Variants in AMZ1 observed in about 807,000 individuals in gnomAD.
AMZ1 encodes archaelysin family metallopeptidase 1.
In AMZ1, 39 loss-of-function variants were observed where a neutral mutation model predicts 29.9. That is an observed-to-expected ratio of 1.30 (90% CI 1.01 to 1.70). AMZ1 has a LOEUF of 1.70. AMZ1 is among the 40% of genes most tolerant of loss of function. The pLI, the probability that AMZ1 is intolerant of heterozygous loss-of-function variation, is 0.00. For synonymous variants in AMZ1, 458 were observed against 304.0 expected, an observed-to-expected ratio of 1.51 and a Z score of -5.27; for missense variants, 1,041 against 680.6, an observed-to-expected ratio of 1.53 and a Z score of -5.89.
chr7:2,692,383 C>CA (rs1177128072), intron 1 of AMZ1, among the ~76,000 whole-genome samples: 95 of 150,994 alleles, frequency 6.3e-4, no homozygotes, highest in East Asian at 4.3e-3. Context: ...ACTAAAAATA[C>CA]AAAAAAAAAT....
At chr7:2,711,755 G>T (rs1019430825) in intron 6 of AMZ1, among the ~76,000 whole-genome samples, 2 of 152,060 alleles carry the variant, frequency 1.3e-5, no homozygotes, top group African/African-American at 4.8e-5. Flanking sequence ...TTAATTATAC[G>T]CTTTCTGGGT....
intron 4 of AMZ1, among the ~76,000 whole-genome samples, chr7:2,742,324 G>C (rs11770070): frequency 0.17 from 25,186 of 152,100 alleles, 2,165 homozygotes; most frequent in Non-Finnish European, 0.2. Flanking sequence ...CCTACACTGA[G>C]ATTTTTGAAG....
At chr7:2,754,625 G>A (rs1229544332) in intron 4 of AMZ1, among the ~76,000 whole-genome samples, 2 of 151,626 alleles carry the variant, frequency 1.3e-5, no homozygotes, top group African/African-American at 4.8e-5. Flanking sequence ...TTGCGTTCCT[G>A]TAGTCCCAGC....
At chr7:2,682,034 G>A (rs1417769093) in intron 1 of AMZ1, among the ~76,000 whole-genome samples, 3 of 152,206 alleles carry the variant, frequency 2.0e-5, no homozygotes, top group African/African-American at 4.8e-5. Context: ...TGCACTGAGC[G>A]CGCCCCCAGC....
chr7:2,723,852 C>T (rs561757621), downstream of AMZ1, among the ~76,000 whole-genome samples: 3 of 152,342 alleles, frequency 2.0e-5, no homozygotes, highest in Non-Finnish European at 2.9e-5. Flanking sequence ...GAGGGCCACG[C>T]TCTTGACCAC....
chr7:2,744,279 G>A lies in AMZ1; in HGVS notation n.551-20433G>A, dbSNP rs184261501. Among the ~76,000 whole-genome samples, 7 of 152,302 alleles carry A rather than the reference G, an allele frequency of 4.6e-5. No individual in the cohort carries two copies. In the East Asian group the frequency reaches 5.8e-4, roughly 13 times the overall value. The stretch of plus-strand genomic sequence containing the variant: ...CTGGGAGGCACCCCCCAGTAGGGGC[G>A]GACTGACACCTCACACGGCCGGGTA... On this transcript the variant is annotated intron_variant and non_coding_transcript_variant, in intron 4 of 4. Coordinates refer to the AMZ1 transcript ENST00000489665.
chr7:2,696,076 AC>A (rs1353772058), intron 1 of AMZ1, among the ~76,000 whole-genome samples: 4 of 150,830 alleles, frequency 2.7e-5, no homozygotes, highest in African/African-American at 7.3e-5. Flanking sequence ...GTGTGTTCCA[AC>A]CCCCCTCGCC....
chr7:2,752,648 A>G (rs564332963), intron 4 of AMZ1, among the ~76,000 whole-genome samples: 1 of 152,370 alleles, frequency 6.6e-6, no homozygotes, highest in African/African-American at 2.4e-5. Flanking sequence ...TATGTTTTAC[A>G]TACTGCCAAT....
chr7:2,696,841 G>A (rs182684507), intron 1 of AMZ1, among the ~76,000 whole-genome samples: 3 of 152,064 alleles, frequency 2.0e-5, no homozygotes, highest in Non-Finnish European at 2.9e-5. Context: ...AGCAAAGATC[G>A]TGCTACTGCA....
At chr7:2,712,030 G>A (rs1262043752) in intron 6 of AMZ1, among the ~76,000 whole-genome samples, 3 of 148,520 alleles carry the variant, frequency 2.0e-5, no homozygotes, top group South Asian at 2.2e-4. Context: ...CTGGCCAACA[G>A]AGTGAGCCTC....
chr7:2,699,537 C>CG (rs1246008883), intron 1 of AMZ1, among the ~76,000 whole-genome samples: 13 of 152,038 alleles, frequency 8.6e-5, no homozygotes, highest in African/African-American at 2.4e-5. Flanking sequence ...CCCCGCCCCC[C>CG]CCCAAACATA....
chr7:2,708,378 A>C (rs1471746756), intron 3 of AMZ1, among the ~76,000 whole-genome samples: 1 of 151,904 alleles, frequency 6.6e-6, no homozygotes, highest in Non-Finnish European at 1.5e-5. Flanking sequence ...TTGACTTACC[A>C]TGTCCTGATC....
chr7:2,737,269 GTTTTGTTTTTTTTTTTTTTGTT>G (rs1790239773), intron 4 of AMZ1, among the ~76,000 whole-genome samples: 4 of 38,112 alleles, frequency 1.0e-4, no homozygotes, highest in South Asian at 7.8e-4. Flanking sequence ...TCACAGTTTT[GTTTTGTTTTTTTTTTTTTTGTT>G]TTTTTTTTTT....
Position 2,680,316 on chromosome 7 carries a change from G to A in AMZ1, c.-219+645G>A, listed in dbSNP as rs1786837004. Among the ~76,000 whole-genome samples, 3 of 152,130 alleles carry A rather than the reference G, an allele frequency of 2.0e-5. No homozygotes were observed. In the South Asian group the frequency reaches 6.2e-4, roughly 32 times the overall value. On this transcript the variant is annotated intron_variant, in intron 1 of 6. Transcript: ENST00000312371. ...CACTCGGCTCTCTGGGGACCTGCCT[G>A]GGTCTCCGGCCCCACAGGCTCCCCG...
intron 4 of AMZ1, among the ~76,000 whole-genome samples, chr7:2,743,339 A>C (rs550715682): frequency 6.6e-6 from 1 of 152,358 alleles, no homozygotes; most frequent in East Asian, 1.9e-4. Context: ...TTAAGTCTTA[A>C]AACGACATCC....
chr7:2,713,016 C>G lies in AMZ1; in HGVS notation c.*138C>G. The G allele has an allele frequency of 1.1e-6, 1 of 949,782 alleles. No individual in the cohort carries two copies. The highest frequency in any genetic ancestry group is 3.4e-5 in the South Asian group (1 of 29,612). The allele number at this position is 949,782 out of a possible 1,614,324, so 58.8% of individuals were successfully genotyped here. A position where few individuals can be genotyped will look rare whatever the true frequency, so the allele number is the denominator to read the frequency against. ...GTGGCTCAGGCCTGTCATCCCATCA[C>G]TTTGAGAGGCCAGGAGTTTGAGACC... On this transcript the variant is annotated 3_prime_UTR_variant, in exon 7 of 7. Coordinates refer to ENST00000683327, the MANE Select transcript of AMZ1 (RefSeq NM_001384743.1).
rs562797542 is a variant in AMZ1 at position 2,717,136 on chromosome 7, T to C, written c.*4258T>C. 2.0e-5 allele frequency among the ~76,000 whole-genome samples: 3 copies of C among 152,286 alleles called. No homozygotes were observed. The highest frequency in any genetic ancestry group is 2.4e-5 in the African/African-American group (1 of 41,566). On this transcript the variant is annotated 3_prime_UTR_variant, in exon 7 of 7. Transcript: ENST00000683327. ...TGGCCCGTGCAGCTCCTTCGGACTCTGAGGAGAGGCCTGGGTGGGTGGCCG... is the reference window on the plus strand; with the variant it reads ...TGGCCCGTGCAGCTCCTTCGGACTCCGAGGAGAGGCCTGGGTGGGTGGCCG...
At chr7:2,705,256 C>G (rs1788284198) in intron 3 of AMZ1, among the ~76,000 whole-genome samples, 1 of 152,166 alleles carries the variant, frequency 6.6e-6, no homozygotes. Flanking sequence ...CCCCAGGGCT[C>G]CGCATCCCTC....
chr7:2,696,888 A>G (rs1001506573), intron 1 of AMZ1, among the ~76,000 whole-genome samples: 27 of 139,560 alleles, frequency 1.9e-4, no homozygotes, highest in African/African-American at 7.7e-4. Flanking sequence ...TGTCTCAAAA[A>G]CAAAAAACAA....
Sources: gnomAD v4.1 joint callset for allele counts (sites outside exome capture counted in the v4.1 genomes callset) on GRCh38, gnomAD v4.1.1 for gene constraint, MANE v1.5 for transcripts, NCBI Gene and HGNC (gene_info 2026-07-23, HGNC 2026-07-21) for gene names.